Variants in ITGB4 observed in about 807,000 individuals in gnomAD.
ITGB4 encodes the protein integrin beta-4.
A neutral mutation model predicts 207.6 loss-of-function variants in ITGB4; 159 were observed. That is an observed-to-expected ratio of 0.77 (90% confidence interval 0.67 to 0.87). The LOEUF (loss-of-function observed/expected upper bound fraction) is 0.87. Ranked by LOEUF, ITGB4 falls within the 40% of genes least tolerant of loss-of-function variation. The probability of loss-of-function intolerance (pLI) is 0.00; values close to 1 mark genes in which losing one functional copy is unlikely to be tolerated. For synonymous variants in ITGB4, 1,020 were observed against 1,062.7 expected (o/e 0.96, Z 0.78); for missense variants, 2,278 against 2,546.8 (o/e 0.89, Z 2.27).
chr17:75,727,541 T>A lies in ITGB4; in HGVS notation c.264+36T>A, dbSNP rs1464072324. ...TGGGGACTGGGGTGGGGGCTCCCCATGCTCAGCCTGGCTATTTATGGGGGT... is the reference window on the plus strand; with the variant it reads ...TGGGGACTGGGGTGGGGGCTCCCCAAGCTCAGCCTGGCTATTTATGGGGGT... On this transcript the variant is annotated intron_variant, in intron 4 of 39. Transcript: ENST00000200181. The surrounding 1 kb of genome is among the most constrained non-coding windows in gnomAD (Gnocchi z 6.0). The A allele has an allele frequency of 6.2e-7, 1 of 1,605,836 alleles. No homozygotes were observed. The highest frequency in any genetic ancestry group is 1.1e-5 in the South Asian group (1 of 90,446).
chr17:75,756,246 A>C (rs1395027825), intron 35 of ITGB4, among the ~76,000 whole-genome samples, 183 bp from the exon 36 acceptor site: 2 of 151,930 alleles, frequency 1.3e-5, no homozygotes, highest in Non-Finnish European at 2.9e-5. Context: ...TACAGGCTCC[A>C]CTCTTGTATA....
At position 75,727,143 on chromosome 17, in the gene ITGB4, CT is replaced by C. The variant is rs2060735211; in HGVS notation, c.80-50del. On this transcript the variant is annotated intron_variant, in intron 2 of 39. Coordinates refer to ENST00000200181, the MANE Select transcript of ITGB4 (RefSeq NM_000213.5). This position sits in a 1 kb window ranked among gnomAD's most constrained non-coding sequence, Gnocchi z 6.0. ...AGGTGAAGGTGCAGGTGGGAAAGTG[CT>C]TGCCTTTGCTGAGCGCCTCCCCATT... 2 of 1,500,606 alleles carry C rather than the reference CT, an allele frequency of 1.3e-6. No homozygotes were observed. Among genetic ancestry groups the C allele is most frequent in the Non-Finnish European group, 1.8e-6 (2 of 1,081,398 alleles). The allele number at this position is 1,500,606 out of a possible 1,614,324, so 93.0% of individuals were successfully genotyped here.
rs754225658 is a variant in ITGB4 at position 75,727,897 on chromosome 17, G to C, written c.469+42G>C. On this transcript the variant is annotated intron_variant, in intron 5 of 39. Transcript: ENST00000200181. The surrounding 1 kb of genome is among the most constrained non-coding windows in gnomAD (Gnocchi z 6.0). ...GTGGAGGACAGCAGGGCAGGAGGGG[G>C]ACAGGTGGGCGTCTGCTTGGGAGGC... is the stretch of plus-strand genomic sequence containing the variant. 10 of 1,589,414 alleles carry C rather than the reference G, an allele frequency of 6.3e-6. No individual in the cohort carries two copies. Among genetic ancestry groups the C allele is most frequent in the Admixed American group, 5.0e-5 (3 of 59,838 alleles).
chr17:75,754,107 A>C (rs2061431895), intron 33 of ITGB4, 133 bp downstream of exon 33: 3 of 453,400 alleles, frequency 6.6e-6, no homozygotes. Context: ...GGCTGGGAGC[A>C]CAGCTGCTCA....
chr17:75,756,819 C>A lies in ITGB4; in HGVS notation c.5013C>A (p.Ile1671=), dbSNP rs372195997. ...GGCCACGGAGGCCCAATGGGGATAT[C>A]GTCGGCTACCTGGTGACCTGTGAGA... ...WERPRRPNGD[I]VGYLVTCEMA... Residue 1671 remains isoleucine, a synonymous_variant, in exon 37 of 40, where the codon ATC becomes ATA. Coordinates refer to ENST00000200181, the MANE Select transcript of ITGB4 (RefSeq NM_000213.5). The A allele has an allele frequency of 7.4e-6, 12 of 1,612,286 alleles. No individual in the cohort carries two copies. The highest frequency in any genetic ancestry group is 1.0e-5 in the Non-Finnish European group (12 of 1,179,994).
At chr17:75,751,980 G>C (rs1243474225) in intron 30 of ITGB4, 194 bp from the exon 31 acceptor site, 4 of 716,408 alleles carry the variant, frequency 5.6e-6, no homozygotes, top group Non-Finnish European at 1.0e-5. Flanking sequence ...TGGAGGACTG[G>C]TGACATATGT....
intron 34 of ITGB4, 47 bp from the exon 35 acceptor site, chr17:75,755,654 G>C (rs1453604083): frequency 1.9e-6 from 3 of 1,610,358 alleles, no homozygotes; most frequent in African/African-American, 1.3e-5. Flanking sequence ...CTCCCACTGA[G>C]ACCCTAGCCC....
At position 75,748,950 on chromosome 17, in the gene ITGB4, G is replaced by A. The variant is rs147026529; in HGVS notation, c.3221G>A (p.Arg1074His). The change falls in exon 27 of 40, where the codon CGC (arginine) becomes CAC (histidine). Residue 1074 changes from arginine (R) to histidine (H), a missense_variant. By Grantham distance (29) the Arg-to-His change is conservative. Coordinates refer to ENST00000200181, the MANE Select transcript of ITGB4 (RefSeq NM_000213.5). Reference protein sequence around the residue: ...LQEVDSLLRGRQVRRFHVQLS... With the variant: ...LQEVDSLLRGHQVRRFHVQLS... ...GAAGTTGACTCCCTCCTGCGGGGCC[G>A]CCAGGTCCGCCGTTTCCACGTCCAG... 126 of 1,613,176 alleles carry A rather than the reference G, an allele frequency of 7.8e-5. No homozygotes were observed. In the East Asian group the frequency reaches 1.1e-3, roughly 14 times the overall value.
At chr17:75,749,151 T>C (rs1198330040) in intron 27 of ITGB4, 106 bp downstream of exon 27, 2 of 880,426 alleles carry the variant, frequency 2.3e-6, no homozygotes, top group African/African-American at 1.7e-5. Context: ...GACGCCCAGG[T>C]AAATCTGAAT....
chr17:75,737,347 C>T lies in ITGB4; in HGVS notation c.2016C>T (p.Ser672=), dbSNP rs2148502926. Residue 672 remains serine, a synonymous_variant, in exon 17 of 40, where the codon TCC becomes TCT. Transcript: ENST00000200181. ...CCGAGGAGGTGGTGGTGCGCTGCTC[C>T]TTCCGGGACGAGGATGACGACTGCA... The part of the protein sequence containing the change: ...KRAEEVVVRC[S]FRDEDDDCTY... 6.3e-7 allele frequency: 1 copy of T among 1,592,228 alleles called. No homozygotes were observed. Among genetic ancestry groups the T allele is most frequent in the Non-Finnish European group, 8.5e-7 (1 of 1,169,870 alleles).
At chr17:75,743,543 T>C (rs2061164651) in intron 25 of ITGB4, among the ~76,000 whole-genome samples, 170 bp from the exon 26 acceptor site, 1 of 152,136 alleles carries the variant, frequency 6.6e-6, no homozygotes, top group Admixed American at 6.5e-5. Flanking sequence ...CCTCATCTTT[T>C]TCTGGAAGGA....
chr17:75,757,379 C>T, intron 39 of ITGB4, 37 bp from the exon 40 acceptor site: 5 of 1,612,998 alleles, frequency 3.1e-6, no homozygotes, highest in Non-Finnish European at 4.2e-6. Flanking sequence ...GAAGGGCAGA[C>T]CCCAAGCCAG....
chr17:75,752,073 G>C, intron 30 of ITGB4, 101 bp from the exon 31 acceptor site: 2 of 1,292,394 alleles, frequency 1.5e-6, no homozygotes, highest in Non-Finnish European at 2.3e-6. Context: ...CCAGCCCCTG[G>C]GTGCCATCCA....
At position 75,729,535 on chromosome 17, in the gene ITGB4, A is replaced by G; in HGVS notation, c.738+99A>G. Reference sequence around the variant, plus strand: ...TGGCCTGCTCTGGTGCCAGGCTCACAGGCCCTGAGGGAAAGCCTGGGAGCC... The same window carrying G: ...TGGCCTGCTCTGGTGCCAGGCTCACGGGCCCTGAGGGAAAGCCTGGGAGCC... On this transcript the variant is annotated intron_variant, in intron 7 of 39. Transcript: ENST00000200181. This position sits in a 1 kb window ranked among gnomAD's most constrained non-coding sequence, Gnocchi z 4.4. 7.7e-7 allele frequency: 1 copy of G among 1,305,532 alleles called. No homozygotes were observed. Among genetic ancestry groups the G allele is most frequent in the South Asian group, 1.5e-5 (1 of 68,946 alleles). The allele number at this position is 1,305,532 out of a possible 1,614,324, so 80.9% of individuals were successfully genotyped here.
Position 75,750,875 on chromosome 17 carries a change from T to C in ITGB4, c.3655+15T>C. 1.9e-6 allele frequency: 3 copies of C among 1,613,530 alleles called. No individual in the cohort carries two copies. Among genetic ancestry groups the C allele is most frequent in the Non-Finnish European group, 2.5e-6 (3 of 1,180,018 alleles). On this transcript the variant is annotated intron_variant, in intron 29 of 39. Coordinates refer to ENST00000200181, the MANE Select transcript of ITGB4 (RefSeq NM_000213.5). The surrounding 1 kb of genome is among the most constrained non-coding windows in gnomAD (Gnocchi z 5.5). ...CCACCAGGAAGGTGAGGCCTCGCCA[T>C]GTCTGTCCATTTGTCCCCTGGCTGC...
At position 75,740,851 on chromosome 17, in the gene ITGB4, G is replaced by C; in HGVS notation, c.2609G>C (p.Arg870Pro). 1 of 1,613,780 alleles carries C rather than the reference G, an allele frequency of 6.2e-7. No homozygotes were observed. The highest frequency in any genetic ancestry group is 1.7e-4 in the Middle Eastern group (1 of 5,838). The part of the protein sequence containing the change: ...GVHKLQQTKF[R>P]QQPNAGKKQD... Reference sequence around the variant, plus strand: ...CACAAGCTCCAGCAGACCAAGTTCCGGTGAGTCCCGGGGTGCCCGGGTTGG... The same window carrying C: ...CACAAGCTCCAGCAGACCAAGTTCCCGTGAGTCCCGGGGTGCCCGGGTTGG... The change falls in exon 22 of 40, where the codon CGG becomes CCG. Residue 870 changes from arginine to proline, a missense_variant and splice_region_variant. Arg to Pro is a moderately radical substitution (Grantham distance 103). Coordinates refer to ENST00000200181, the MANE Select transcript of ITGB4 (RefSeq NM_000213.5). This position sits in a 1 kb window ranked among gnomAD's most constrained non-coding sequence, Gnocchi z 5.9.
At chr17:75,736,505 G>A (rs558558144) in intron 15 of ITGB4, 60 bp from the exon 16 acceptor site, 65 of 1,596,366 alleles carry the variant, frequency 4.1e-5, no homozygotes, top group African/African-American at 2.0e-4. Context: ...TTTGGGGAGC[G>A]GGGGTCTGGC....
intron 26 of ITGB4, among the ~76,000 whole-genome samples, chr17:75,748,467 C>T (rs960011386): frequency 5.9e-5 from 9 of 151,938 alleles, no homozygotes; most frequent in African/African-American, 1.9e-4. Context: ...GTCAGGAGTT[C>T]GAGACCAGCC....
chr17:75,738,998 A>C (rs976252616), intron 18 of ITGB4, among the ~76,000 whole-genome samples: 6 of 151,894 alleles, frequency 4.0e-5, no homozygotes, highest in Admixed American at 3.9e-4. Flanking sequence ...AAGGTTTAAG[A>C]AACAAGTTTC....
Sources: gnomAD v4.1 joint callset for allele counts (sites outside exome capture counted in the v4.1 genomes callset) on GRCh38, gnomAD v4.1.1 for gene constraint, Gnocchi (gnomAD v3.1) non-coding constraint, MANE v1.5 for transcripts, NCBI Gene and HGNC (gene_info 2026-07-23, HGNC 2026-07-21) for gene names.